The following NKAIN3 variants were observed in gnomAD, a reference collection of about 807,000 sequenced individuals.
NKAIN3 encodes sodium/potassium-transporting ATPase subunit beta-1-interacting protein 3.
NKAIN3 carries 25 observed loss-of-function variants against 30.2 expected under a neutral mutation model. The observed-to-expected ratio is 0.83, with a 90% confidence interval of 0.60 to 1.16. NKAIN3 has a LOEUF of 1.16. Ranked by LOEUF, NKAIN3 falls within the 50% of genes most tolerant of loss-of-function variation. NKAIN3 has a pLI of 0.00. For missense variants in NKAIN3, 225 were observed against 254.1 expected (o/e 0.89, Z 0.78); for synonymous variants, 91 against 89.6 (o/e 1.02, Z -0.09).
intron 1 of NKAIN3, among the ~76,000 whole-genome samples, chr8:62,286,452 G>A (rs1258390631): frequency 2.6e-5 from 4 of 152,030 alleles, no homozygotes; most frequent in East Asian, 1.9e-4. Context: ...ATACTGAACC[G>A]TAATTTAATG....
At chr8:62,744,966 A>G (rs1320095983) in intron 3 of NKAIN3, among the ~76,000 whole-genome samples, 1 of 152,246 alleles carries the variant, frequency 6.6e-6, no homozygotes, top group Admixed American at 6.5e-5. Flanking sequence ...AATTCCTTGA[A>G]TTGAAGAAAA....
At chr8:62,543,825 GCTT>G (rs1281238943) in intron 1 of NKAIN3, among the ~76,000 whole-genome samples, 2 of 152,036 alleles carry the variant, frequency 1.3e-5, no homozygotes, top group African/African-American at 4.8e-5. Flanking sequence ...TAACTGTTAT[GCTT>G]CTTCTCCCAA....
rs565117691 is a variant in NKAIN3 at position 62,815,446 on chromosome 8, A to G, written c.471+68317A>G. Among the ~76,000 whole-genome samples the G allele has an allele frequency of 5.3e-5, 8 of 152,316 alleles. No individual in the cohort carries two copies. The East Asian group carries it at 1.4e-3, about 26-fold the overall frequency. On this transcript the variant is annotated intron_variant, in intron 4 of 6. Transcript: ENST00000623646. ...AGAGAATTTTAGACCAATATCCTTG[A>G]TGAACATTGATGCAAAAATCCTCAA...
intron 5 of NKAIN3, among the ~76,000 whole-genome samples, chr8:62,919,321 T>C (rs1822206634): frequency 7.5e-6 from 1 of 134,222 alleles, no homozygotes; most frequent in Non-Finnish European, 1.5e-5. Flanking sequence ...CTCAGCTCAC[T>C]GCAAGCTCCG....
At chr8:62,849,271 G>T (rs1469874540) in intron 4 of NKAIN3, among the ~76,000 whole-genome samples, 1 of 147,816 alleles carries the variant, frequency 6.8e-6, no homozygotes, top group Non-Finnish European at 1.5e-5. Context: ...CTAGAATTCA[G>T]ATGTGAATTC....
intron 1 of NKAIN3, among the ~76,000 whole-genome samples, chr8:62,337,017 G>C (rs140963219): frequency 2.8e-4 from 43 of 152,186 alleles, no homozygotes; most frequent in Non-Finnish European, 5.3e-4. Flanking sequence ...CAGATGGCTA[G>C]AGAGTGGGCT....
rs1191058418 is a variant in NKAIN3, at chr8:62,290,586, AG to A, written c.54+41460del. Among the ~76,000 whole-genome samples, 89 of 152,312 alleles carry A rather than the reference AG, an allele frequency of 5.8e-4. 1 individual carries two copies. The highest frequency in any genetic ancestry group is 5.3e-4 in the Non-Finnish European group (36 of 68,032). ...GAACCAGCCTTGCATCCCAGGGATGAGACCAACTTGCTCATGGTGGATAAGC... is the reference window on the plus strand; with the variant it reads ...GAACCAGCCTTGCATCCCAGGGATGAACCAACTTGCTCATGGTGGATAAGC... On this transcript the variant is annotated intron_variant, in intron 1 of 6. Transcript: ENST00000623646.
chr8:62,357,234 C>T, intron 1 of NKAIN3, among the ~76,000 whole-genome samples: 1 of 152,106 alleles, frequency 6.6e-6, no homozygotes, highest in Non-Finnish European at 1.5e-5. Flanking sequence ...TATTGGGACC[C>T]TGTCCCCTGT....
intron 3 of NKAIN3, among the ~76,000 whole-genome samples, chr8:62,657,587 A>T (rs955557781): frequency 6.6e-6 from 1 of 152,206 alleles, no homozygotes; most frequent in Non-Finnish European, 1.5e-5. Flanking sequence ...TGCATTATCA[A>T]TCTCTTAGTG....
intron 1 of NKAIN3, among the ~76,000 whole-genome samples, chr8:62,397,288 A>G (rs2351657): frequency 0.42 from 64,357 of 151,574 alleles, 15,646 homozygotes; most frequent in Non-Finnish European, 0.54. Context: ...ATGAACCAAA[A>G]CTTCTAAAAT....
chr8:62,469,664 T>C (rs1285124626), intron 1 of NKAIN3, among the ~76,000 whole-genome samples: 1 of 152,144 alleles, frequency 6.6e-6, no homozygotes, highest in Non-Finnish European at 1.5e-5. Context: ...GATATGTAAC[T>C]CACAAGGCAG....
chr8:62,928,807 C>T (rs555811097), intron 5 of NKAIN3, among the ~76,000 whole-genome samples: 8 of 152,254 alleles, frequency 5.3e-5, no homozygotes, highest in South Asian at 2.1e-4. Context: ...GAAAGGTTGA[C>T]CATATAATTT....
rs548402300 is a variant in NKAIN3, at chr8:62,775,098, T to G, written c.471+27969T>G. ...ATCTAGGTACTTGTTATTGGGCTGTTGTGAATTTGGGTTTCTTCATGGTTC... is the reference window on the plus strand; with the variant it reads ...ATCTAGGTACTTGTTATTGGGCTGTGGTGAATTTGGGTTTCTTCATGGTTC... On this transcript the variant is annotated intron_variant, in intron 4 of 6. Transcript: ENST00000623646. Among the ~76,000 whole-genome samples the G allele has an allele frequency of 2.4e-3, 369 of 152,276 alleles. 1 individual carries two copies. Among genetic ancestry groups the G allele is most frequent in the Middle Eastern group, 6.8e-3 (2 of 294 alleles).
Position 62,742,257 on chromosome 8 carries a change from A to G in NKAIN3, c.274-4675A>G, listed in dbSNP as rs1440987969. On this transcript the variant is annotated intron_variant, in intron 3 of 6. Coordinates refer to ENST00000623646, the MANE Select transcript of NKAIN3 (RefSeq NM_001304533.3). ...AAGAAGAGTGTGGGGCAGGCTAGTT[A>G]TAGGAAACTTATGACAGATAAAAAC... 2.0e-5 allele frequency among the ~76,000 whole-genome samples: 3 copies of G among 152,196 alleles called. No homozygotes were observed. The East Asian group carries it at 5.8e-4, about 29-fold the overall frequency.
At chr8:62,765,947 T>A (rs1423533301) in intron 4 of NKAIN3, among the ~76,000 whole-genome samples, 1 of 152,174 alleles carries the variant, frequency 6.6e-6, no homozygotes, top group Non-Finnish European at 1.5e-5. Context: ...TTTTATCAAA[T>A]CAAGCCAGAA....
intron 4 of NKAIN3, among the ~76,000 whole-genome samples, chr8:62,808,361 T>C: frequency 6.6e-6 from 1 of 152,220 alleles, no homozygotes; most frequent in East Asian, 1.9e-4. Flanking sequence ...ACTCAATAGT[T>C]ATTCTAGTGT....
chr8:62,482,335 A>G (rs1806749681), intron 1 of NKAIN3: 1 of 152,328 alleles, frequency 6.6e-6, no homozygotes, highest in South Asian at 2.1e-4. Context: ...AGGGAAGGCC[A>G]TCTTGCTCCT....
intron 3 of NKAIN3, among the ~76,000 whole-genome samples, chr8:62,596,360 G>A (rs181546377): frequency 2.8e-3 from 428 of 151,984 alleles, no homozygotes; most frequent in East Asian, 0.012. Flanking sequence ...ATATCCACTG[G>A]GCAGTTCCTT....
At chr8:62,249,297 C>T (rs1812008412) in intron 1 of NKAIN3, among the ~76,000 whole-genome samples, 170 bp downstream of exon 1, 1 of 152,252 alleles carries the variant, frequency 6.6e-6, no homozygotes, top group East Asian at 1.9e-4. Context: ...TGCTCTCCAG[C>T]CGCGGGCACT....
Sources: gnomAD v4.1 joint callset for allele counts (sites outside exome capture counted in the v4.1 genomes callset) on GRCh38, gnomAD v4.1.1 for gene constraint, MANE v1.5 for transcripts, NCBI Gene and HGNC (gene_info 2026-07-23, HGNC 2026-07-21) for gene names.